The following SPO11 variants were observed in gnomAD, a reference collection of about 807,000 sequenced individuals.
SPO11 encodes the protein SPO11 initiator of meiotic double strand breaks, also known as meiotic recombination protein SPO11.
In SPO11, 49 loss-of-function variants were observed where a neutral mutation model predicts 51.6. The ratio of observed to expected loss-of-function variants is 0.95; its 90% CI spans 0.75 to 1.20. The LOEUF is 1.20. Among genes scored for constraint, SPO11 ranks in the 50% most tolerant of loss-of-function variants. The pLI, the probability that SPO11 is intolerant of heterozygous loss-of-function variation, is 0.00. For synonymous variants in SPO11, 176 were observed against 158.2 expected, an observed-to-expected ratio of 1.11 and a Z score of -0.84; for missense variants, 431 against 473.4, an observed-to-expected ratio of 0.91 and a Z score of 0.83.
At chr20:57,330,277 T>C (rs1600674105) in intron 1 of SPO11, among the ~76,000 whole-genome samples, 1 of 152,232 alleles carries the variant, frequency 6.6e-6, no homozygotes, top group Non-Finnish European at 1.5e-5. Flanking sequence ...GGTTGGAAGG[T>C]TTCCTAAGAT....
In SPO11 at chr20:57,329,811, C is replaced by T; in HGVS notation, c.-57C>T. The T allele has an allele frequency of 6.5e-7, 1 of 1,548,684 alleles. No individual in the cohort carries two copies. Among genetic ancestry groups the T allele is most frequent in the Middle Eastern group, 1.7e-4 (1 of 5,742 alleles). On this transcript the variant is annotated 5_prime_UTR_variant, in exon 1 of 13. Coordinates refer to ENST00000371263, the MANE Select transcript of SPO11 (RefSeq NM_012444.3). Reference sequence around the variant, plus strand: ...GCGCGGGAAAGGCACGCAGCCACGCCCCAAGGGCGCAGCCTAGGACAGGGG... The same window carrying T: ...GCGCGGGAAAGGCACGCAGCCACGCTCCAAGGGCGCAGCCTAGGACAGGGG...
intron 4 of SPO11, 50 bp downstream of exon 4, chr20:57,333,803 T>C: frequency 2.6e-6 from 3 of 1,143,522 alleles, no homozygotes; most frequent in Non-Finnish European, 3.9e-6. Flanking sequence ...ATGTGAGAAA[T>C]AGTTGGATTA....
At position 57,333,856 on chromosome 20, in the gene SPO11, T is replaced by C. The variant is rs144436142; in HGVS notation, c.401+103T>C. The C allele has an allele frequency of 5.6e-5, 51 of 917,754 alleles. No individual in the cohort carries two copies. In the African/African-American group the frequency reaches 7.4e-4, roughly 13 times the overall value. 56.9% of individuals were successfully genotyped at this position (917,754 alleles called of 1,614,324 possible). ...TGAAAAGTTACATAAGACTAAACTA[T>C]AGCTCATAATTTACTTTCTTTATAT... On this transcript the variant is annotated intron_variant, in intron 4 of 12. Coordinates refer to ENST00000371263, the MANE Select transcript of SPO11 (RefSeq NM_012444.3).
intron 8 of SPO11, chr20:57,337,753 T>C: frequency 7.6e-7 from 1 of 1,309,526 alleles, no homozygotes; most frequent in Non-Finnish European, 1.0e-6. Context: ...CACCAGTCTT[T>C]CAGCACCTGA....
In SPO11 at chr20:57,343,791, G is replaced by T; in HGVS notation, c.*331G>T. On this transcript the variant is annotated 3_prime_UTR_variant, in exon 13 of 13. Coordinates refer to ENST00000371263, the MANE Select transcript of SPO11 (RefSeq NM_012444.3). ...AGTCTACAAAATATTTACCTTCTAC[G>T]ATACAACTAATGTTAACGCATAAAG... 1 of 162,782 alleles carries T rather than the reference G, an allele frequency of 6.1e-6. No individual in the cohort carries two copies. The allele number at this position is 162,782 out of a possible 1,614,324, so 10.1% of individuals were successfully genotyped here.
At chr20:57,333,067 G>A in intron 2 of SPO11, 121 bp from the exon 3 acceptor site, 1 of 665,360 alleles carries the variant, frequency 1.5e-6, no homozygotes, top group East Asian at 2.8e-5. Flanking sequence ...TAAAGCTTCA[G>A]TGCTTAAATT....
chr20:57,335,928 A>G, intron 8 of SPO11, 21 bp downstream of exon 8: 1 of 1,390,932 alleles, frequency 7.2e-7, no homozygotes, highest in Non-Finnish European at 1.0e-6. Flanking sequence ...TAACTTTACT[A>G]CAATTCCAAG....
At chr20:57,335,525 C>T in intron 7 of SPO11, 70 bp downstream of exon 7, 1 of 1,479,166 alleles carries the variant, frequency 6.8e-7, no homozygotes, top group South Asian at 1.2e-5. Flanking sequence ...CTTTGGTAAG[C>T]CAAGCCTTCA....
chr20:57,342,681 GT>G, intron 11 of SPO11, 47 bp from the exon 12 acceptor site: 1 of 1,233,758 alleles, frequency 8.1e-7, no homozygotes, highest in Non-Finnish European at 1.2e-6. Flanking sequence ...GGACATTCAA[GT>G]TACAGAAACA....
In SPO11 at chr20:57,338,975, CTTTCTT is replaced by C; in HGVS notation, c.845-11_845-6del. 1.4e-6 allele frequency: 2 copies of C among 1,454,446 alleles called. No individual in the cohort carries two copies. The highest frequency in any genetic ancestry group is 1.9e-6 in the Non-Finnish European group (2 of 1,063,808). The allele number at this position is 1,454,446 out of a possible 1,614,324, so 90.1% of individuals were successfully genotyped here. A position where few individuals can be genotyped will look rare whatever the true frequency, so the allele number is the denominator to read the frequency against. ...GTAAGGAGACTAATTTTATAGTTAA[CTTTCTT>C]TTAACAGGCATAGAAATAATGTGCA... On this transcript the variant is annotated splice_polypyrimidine_tract_variant and splice_region_variant and intron_variant, in intron 9 of 12. Transcript: ENST00000371263.
intron 1 of SPO11, among the ~76,000 whole-genome samples, chr20:57,330,958 A>G (rs1226965575): frequency 6.6e-6 from 1 of 152,220 alleles, no homozygotes; most frequent in Non-Finnish European, 1.5e-5. Context: ...ACCTCCCAAT[A>G]TTAGAATAGA....
intron 7 of SPO11, 95 bp downstream of exon 7, chr20:57,335,550 C>T (rs953378723): frequency 8.8e-6 from 11 of 1,250,458 alleles, no homozygotes; most frequent in Non-Finnish European, 1.2e-5. Context: ...GTGTAAGGAA[C>T]AAGTTAGGCC....
Position 57,333,738 on chromosome 20 carries a change from C to A in SPO11, c.386C>A (p.Thr129Asn). Residue 129 changes from threonine (T) to asparagine (N), a missense_variant, in exon 4 of 13, where the codon ACT becomes AAT. Physicochemically the swap from Thr to Asn is moderately conservative, Grantham distance 65. This residue lies in a region of SPO11 where 405 missense variants were observed against 425.9 expected (regional missense o/e 0.95). Transcript: ENST00000371263. ...SMIYKLVQSN[T>N]YATKRDIYYT... ...ATTTATAAATTAGTACAGAGCAACA[C>A]TTATGCAACCAAAAGGTAAATATAT... The A allele has an allele frequency of 6.7e-7, 1 of 1,486,106 alleles. No homozygotes were observed. Among genetic ancestry groups the A allele is most frequent in the Non-Finnish European group, 9.3e-7 (1 of 1,070,426 alleles). 92.1% of individuals were successfully genotyped at this position (1,486,106 alleles called of 1,614,324 possible).
chr20:57,336,105 A>C (rs2066509735), intron 8 of SPO11, among the ~76,000 whole-genome samples, 198 bp downstream of exon 8: 1 of 151,816 alleles, frequency 6.6e-6, no homozygotes, highest in African/African-American at 2.4e-5. Flanking sequence ...TTTTTTTTTA[A>C]TAGAGACAGG....
At chr20:57,339,157 C>G (rs1448576848) in intron 10 of SPO11, 131 bp downstream of exon 10, 2 of 502,518 alleles carry the variant, frequency 4.0e-6, no homozygotes, top group African/African-American at 2.0e-5. Flanking sequence ...GCCTAGTATC[C>G]TATTCTAGGA....
intron 10 of SPO11, among the ~76,000 whole-genome samples, chr20:57,339,664 A>G (rs575464993): frequency 6.6e-6 from 1 of 152,342 alleles, no homozygotes; most frequent in East Asian, 1.9e-4. Flanking sequence ...ACAATAAGAA[A>G]TGTAGGTCAG....
intron 2 of SPO11, 111 bp downstream of exon 2, chr20:57,332,057 A>C (rs1195357403): frequency 5.5e-6 from 3 of 549,050 alleles, no homozygotes; most frequent in Non-Finnish European, 9.0e-6. Flanking sequence ...TTACCTTGCC[A>C]AAAAAAAGGA....
chr20:57,342,602 G>C, intron 11 of SPO11, 127 bp from the exon 12 acceptor site: 1 of 619,770 alleles, frequency 1.6e-6, no homozygotes, highest in Non-Finnish European at 2.9e-6. Context: ...GGATGTAAGA[G>C]GTAGATCTGT....
intron 6 of SPO11, 113 bp downstream of exon 6, chr20:57,334,949 T>C: frequency 1.2e-6 from 1 of 831,606 alleles, no homozygotes; most frequent in Middle Eastern, 2.3e-4. Context: ...GATTTCAAAA[T>C]AAAACTGAAA....
Sources: gnomAD v4.1 joint callset for allele counts (sites outside exome capture counted in the v4.1 genomes callset) on GRCh38, gnomAD v4.1.1 for gene constraint, gnomAD v4.1.1 regional missense constraint, MANE v1.5 for transcripts, NCBI Gene and HGNC (gene_info 2026-07-23, HGNC 2026-07-21) for gene names.